Variants in ERCC8 observed in about 807,000 individuals in gnomAD.
The protein encoded by ERCC8 is ERCC excision repair 8, CSA ubiquitin ligase complex subunit.
Under a neutral mutation model 54.9 loss-of-function variants are expected in ERCC8, and 52 were observed. The observed-to-expected ratio is 0.95, with a 90% CI of 0.76 to 1.19. The LOEUF is 1.19. Among genes scored for constraint, ERCC8 ranks in the 50% most tolerant of loss-of-function variants. The pLI is 0.00. For missense variants in ERCC8, 514 were observed against 466.1 expected, an observed-to-expected ratio of 1.10 and a Z score of -0.95; for synonymous variants, 146 against 157.2, an observed-to-expected ratio of 0.93 and a Z score of 0.53.
At chr5:60,905,430 T>A (rs552903379) in intron 4 of ERCC8, among the ~76,000 whole-genome samples, 1 of 152,306 alleles carries the variant, frequency 6.6e-6, no homozygotes, top group Non-Finnish European at 1.5e-5. Context: ...CAAGGTCCAA[T>A]ACCAATACCA....
chr5:60,938,086 T>TA (rs1561519180), intron 1 of ERCC8, among the ~76,000 whole-genome samples: 116 of 23,902 alleles, frequency 4.9e-3, no homozygotes, highest in Middle Eastern at 0.056. Context: ...TATATATATA[T>TA]TTTATTTTTT....
chr5:60,879,025 T>C (rs1218667440), intron 11 of ERCC8, among the ~76,000 whole-genome samples: 2 of 152,250 alleles, frequency 1.3e-5, no homozygotes, highest in Non-Finnish European at 2.9e-5. Context: ...AATTGCCCTC[T>C]ACACACTGCT....
intron 11 of ERCC8, among the ~76,000 whole-genome samples, chr5:60,877,623 A>T (rs189059509): frequency 1.3e-5 from 2 of 151,956 alleles, no homozygotes; most frequent in Non-Finnish European, 2.9e-5. Context: ...AGGTATTTTA[A>T]TCTCTTTGAA....
chr5:60,938,909 G>A (rs73759445), intron 1 of ERCC8, among the ~76,000 whole-genome samples: 3,039 of 152,156 alleles, frequency 0.02, 120 homozygotes, highest in African/African-American at 0.07. Flanking sequence ...ACAGTTGTCT[G>A]ATCTCTCTTT....
intron 4 of ERCC8, among the ~76,000 whole-genome samples, chr5:60,908,985 A>G (rs1257824255): frequency 6.6e-6 from 1 of 152,018 alleles, no homozygotes; most frequent in East Asian, 1.9e-4. Flanking sequence ...TTAAAAAGCA[A>G]AGTCAGTATA....
At chr5:60,887,378 T>C in intron 11 of ERCC8, 62 bp downstream of exon 11, 1 of 1,367,200 alleles carries the variant, frequency 7.3e-7, no homozygotes, top group Non-Finnish European at 1.0e-6. Context: ...TCACATAAAG[T>C]AACAAAACAT....
At chr5:60,941,400 G>A (rs1750253739) in intron 1 of ERCC8, among the ~76,000 whole-genome samples, 1 of 151,970 alleles carries the variant, frequency 6.6e-6, no homozygotes, top group African/African-American at 2.4e-5. Context: ...AAAGATCGAA[G>A]GGAAAAAGAA....
intron 9 of ERCC8, among the ~76,000 whole-genome samples, chr5:60,897,511 A>G (rs74938928): frequency 0.024 from 3,647 of 152,320 alleles, 59 homozygotes; most frequent in Non-Finnish European, 0.037. Context: ...AGCTATTATT[A>G]TTATCACCAA....
chr5:60,933,216 C>CTTTTT (rs143139297), intron 1 of ERCC8, among the ~76,000 whole-genome samples: 9 of 89,492 alleles, frequency 1.0e-4, no homozygotes, highest in Non-Finnish European at 1.2e-4. Flanking sequence ...CCTTTTTTTT[C>CTTTTT]TTTTTTTTTT....
At chr5:60,925,878 C>T (rs928150841) in intron 2 of ERCC8, among the ~76,000 whole-genome samples, 36 of 152,156 alleles carry the variant, frequency 2.4e-4, no homozygotes, top group African/African-American at 8.7e-4. Context: ...GACTGGAGTA[C>T]AGTGGCATGA....
chr5:60,931,549 T>G (rs2112535923), intron 1 of ERCC8, among the ~76,000 whole-genome samples: 1 of 152,190 alleles, frequency 6.6e-6, no homozygotes, highest in South Asian at 2.1e-4. Flanking sequence ...CCTCAAGCAA[T>G]CCTCTCACCT....
chr5:60,893,757 CG>C (rs1336209142), intron 9 of ERCC8: 1 of 353,016 alleles, frequency 2.8e-6, no homozygotes, highest in African/African-American at 2.1e-5. Flanking sequence ...CACGAGGGGG[CG>C]GGGCTTCTCC....
intron 1 of ERCC8, 57 bp downstream of exon 1, chr5:60,944,875 C>T (rs1371654470): frequency 1.6e-6 from 2 of 1,237,378 alleles, no homozygotes; most frequent in Non-Finnish European, 2.4e-6. Context: ...GCAAAGCTTA[C>T]AGTCATTGGT....
rs1747769962 is a variant in ERCC8 at position 60,867,158 on chromosome 5, A to G, written c.*7457T>C. 6.6e-6 allele frequency among the ~76,000 whole-genome samples: 1 copy of G among 152,048 alleles called. No individual in the cohort carries two copies. Among genetic ancestry groups the G allele is most frequent in the African/African-American group, 2.4e-5 (1 of 41,400 alleles). ...GCCCTTCCTTCATTTTTAACCAATG[A>G]AAAAAGAAGGAAAAAAAATATCCAA... On this transcript the variant is annotated 3_prime_UTR_variant, in exon 12 of 12. Coordinates refer to ENST00000676185, the MANE Select transcript of ERCC8 (RefSeq NM_000082.4).
chr5:60,891,991 G>A (rs1400842248), intron 9 of ERCC8: 2 of 530,656 alleles, frequency 3.8e-6, no homozygotes, highest in Non-Finnish European at 7.7e-6. Flanking sequence ...CATGGAATCA[G>A]ACAGCTCCCT....
chr5:60,937,119 G>A (rs1024655568), intron 1 of ERCC8, among the ~76,000 whole-genome samples: 7 of 152,226 alleles, frequency 4.6e-5, no homozygotes, highest in Non-Finnish European at 1.0e-4. Flanking sequence ...AGAGTCCTGT[G>A]ATGTGATCTG....
chr5:60,897,056 A>G (rs1561501108), intron 9 of ERCC8, among the ~76,000 whole-genome samples: 1 of 152,034 alleles, frequency 6.6e-6, no homozygotes, highest in Non-Finnish European at 1.5e-5. Context: ...TCATATTCCA[A>G]CGCAAGAACC....
intron 4 of ERCC8, among the ~76,000 whole-genome samples, chr5:60,909,048 G>A (rs191887512): frequency 6.6e-6 from 1 of 152,006 alleles, no homozygotes; most frequent in East Asian, 1.9e-4. Flanking sequence ...TAAAGCTGGA[G>A]AATTGAATGC....
At chr5:60,940,852 C>T (rs1051546887) in intron 1 of ERCC8, among the ~76,000 whole-genome samples, 1 of 152,140 alleles carries the variant, frequency 6.6e-6, no homozygotes, top group Admixed American at 6.5e-5. Context: ...AAACAAGACC[C>T]AGAGTATTCA....
Sources: gnomAD v4.1 joint callset for allele counts (sites outside exome capture counted in the v4.1 genomes callset) on GRCh38, gnomAD v4.1.1 for gene constraint, MANE v1.5 for transcripts, NCBI Gene and HGNC (gene_info 2026-07-23, HGNC 2026-07-21) for gene names.